GRIA4: variants seen among roughly 807,000 people sequenced by gnomAD.
GRIA4 encodes the protein glutamate ionotropic receptor AMPA type subunit 4.
In GRIA4, 34 loss-of-function variants were observed where a neutral mutation model predicts 104.0. The observed-to-expected ratio is 0.33, with a 90% CI of 0.25 to 0.44. GRIA4 has a LOEUF of 0.44. GRIA4 is among the 20% of genes least tolerant of loss of function. The pLI, the probability that GRIA4 is intolerant of heterozygous loss-of-function variation, is 1.00. For synonymous variants in GRIA4, 386 were observed against 381.9 expected (o/e 1.01, Z -0.13); for missense variants, 750 against 1,096.5 (o/e 0.68, Z 4.46).
At chr11:105,976,857 G>C (rs1184916112) in intron 16 of GRIA4, among the ~76,000 whole-genome samples, 1 of 151,922 alleles carries the variant, frequency 6.6e-6, no homozygotes, top group Non-Finnish European at 1.5e-5. Context: ...AATAGAAATG[G>C]CATTTTATGG....
At chr11:105,821,804 TA>T (rs1164580657) in intron 4 of GRIA4, among the ~76,000 whole-genome samples, 3 of 152,110 alleles carry the variant, frequency 2.0e-5, no homozygotes, top group South Asian at 2.1e-4. Context: ...AAATTTATGC[TA>T]AAAAAATTCT....
chr11:105,733,655 G>C (rs1418402961), intron 3 of GRIA4, among the ~76,000 whole-genome samples: 2 of 151,606 alleles, frequency 1.3e-5, no homozygotes, highest in East Asian at 1.9e-4. Flanking sequence ...ACGGGGTTTC[G>C]CTGTGTTGGT....
chr11:105,668,239 A>ACTATAT (rs1555095734), intron 3 of GRIA4, among the ~76,000 whole-genome samples: 52,911 of 136,248 alleles, frequency 0.39, 11,180 homozygotes, highest in Admixed American at 0.52. Context: ...ATATATATAT[A>ACTATAT]TATATATACT....
intron 3 of GRIA4, among the ~76,000 whole-genome samples, chr11:105,668,246 T>C (rs1022893248): frequency 3.5e-5 from 5 of 144,166 alleles, no homozygotes; most frequent in African/African-American, 1.3e-4. Flanking sequence ...TATATATATA[T>C]ACTATATTAT....
At chr11:105,668,783 A>T (rs932876707) in intron 3 of GRIA4, among the ~76,000 whole-genome samples, 13 of 148,370 alleles carry the variant, frequency 8.8e-5, no homozygotes, top group African/African-American at 3.0e-4. Flanking sequence ...CACTCTACTG[A>T]TTTCTTTGCT....
At chr11:105,857,885 T>C (rs575518191) in intron 4 of GRIA4, among the ~76,000 whole-genome samples, 2 of 152,260 alleles carry the variant, frequency 1.3e-5, no homozygotes, top group African/African-American at 4.8e-5. Context: ...AAATAACTCT[T>C]GCAAACAAAA....
At chr11:105,749,746 CAT>C (rs1320633728) in intron 3 of GRIA4, among the ~76,000 whole-genome samples, 1 of 152,074 alleles carries the variant, frequency 6.6e-6, no homozygotes, top group African/African-American at 2.4e-5. Context: ...GGAGTAGTAT[CAT>C]GTGTTTATTG....
intron 14 of GRIA4, among the ~76,000 whole-genome samples, chr11:105,966,655 G>A (rs1000876717): frequency 6.6e-6 from 1 of 151,972 alleles, no homozygotes; most frequent in African/African-American, 2.4e-5. Flanking sequence ...AATCAACTCA[G>A]CTTTGTCTTC....
intron 4 of GRIA4, among the ~76,000 whole-genome samples, chr11:105,799,296 G>A (rs920824571): frequency 6.6e-6 from 1 of 152,060 alleles, no homozygotes; most frequent in Admixed American, 6.6e-5. Context: ...ATTGAATAGA[G>A]TAAAAACCTA....
intron 3 of GRIA4, among the ~76,000 whole-genome samples, chr11:105,640,534 A>T (rs1030880548): frequency 5.9e-5 from 9 of 151,860 alleles, no homozygotes; most frequent in African/African-American, 1.9e-4. Context: ...GCATTTTCCC[A>T]TTGGATATTA....
In GRIA4 at chr11:105,852,701, G is replaced by C. The variant is rs573080133; in HGVS notation, c.488-9323G>C. On this transcript the variant is annotated intron_variant, in intron 4 of 16. Coordinates refer to ENST00000282499, the MANE Select transcript of GRIA4 (RefSeq NM_000829.4). The stretch of plus-strand genomic sequence containing the variant: ...GAGTTTACAATTACTTCCTAGAACT[G>C]AGCTAGTCTCAGTAGGATATAAAAA... Among the ~76,000 whole-genome samples, 9 of 152,198 alleles carry C rather than the reference G, an allele frequency of 5.9e-5. No individual in the cohort carries two copies. The East Asian group carries it at 1.7e-3, about 29-fold the overall frequency.
At chr11:105,819,704 C>A (rs1221148139) in intron 4 of GRIA4, among the ~76,000 whole-genome samples, 1 of 151,954 alleles carries the variant, frequency 6.6e-6, no homozygotes, top group East Asian at 1.9e-4. Flanking sequence ...CATTATCACA[C>A]ATTATTATAT....
chr11:105,733,701 C>T (rs1938747112), intron 3 of GRIA4, among the ~76,000 whole-genome samples: 1 of 152,016 alleles, frequency 6.6e-6, no homozygotes, highest in Non-Finnish European at 1.5e-5. Context: ...CATGATCCTC[C>T]CACCTTGGCC....
intron 3 of GRIA4, among the ~76,000 whole-genome samples, chr11:105,751,378 G>T (rs1939987167): frequency 6.6e-6 from 1 of 152,138 alleles, no homozygotes; most frequent in Non-Finnish European, 1.5e-5. Context: ...GTCTGACGCA[G>T]CAACTTGATT....
At chr11:105,826,998 A>G (rs1943794518) in intron 4 of GRIA4, among the ~76,000 whole-genome samples, 1 of 152,020 alleles carries the variant, frequency 6.6e-6, no homozygotes, top group African/African-American at 2.4e-5. Context: ...ATTGATACCT[A>G]TGGATTTTTT....
At chr11:105,724,575 A>T (rs1215965236) in intron 3 of GRIA4, among the ~76,000 whole-genome samples, 1 of 152,010 alleles carries the variant, frequency 6.6e-6, no homozygotes, top group Non-Finnish European at 1.5e-5. Context: ...TATAAGTGGG[A>T]GCTAAATAGT....
chr11:105,951,530 T>A (rs1277246382), intron 14 of GRIA4, among the ~76,000 whole-genome samples: 1 of 152,162 alleles, frequency 6.6e-6, no homozygotes, highest in Non-Finnish European at 1.5e-5. Context: ...GGCAGGGACT[T>A]TACTGAGTAT....
chr11:105,778,684 G>A (rs373126150), intron 4 of GRIA4, among the ~76,000 whole-genome samples: 4 of 152,260 alleles, frequency 2.6e-5, no homozygotes, highest in East Asian at 1.9e-4. Flanking sequence ...CAGCCTGGGC[G>A]ACAGAGCAAG....
chr11:105,790,512 C>A (rs957771922), intron 4 of GRIA4, among the ~76,000 whole-genome samples: 3 of 152,098 alleles, frequency 2.0e-5, no homozygotes, highest in Non-Finnish European at 1.5e-5. Flanking sequence ...AGCTCCCTTG[C>A]CGGTTTTTAA....
Sources: gnomAD v4.1 joint callset for allele counts (sites outside exome capture counted in the v4.1 genomes callset) on GRCh38, gnomAD v4.1.1 for gene constraint, MANE v1.5 for transcripts, NCBI Gene and HGNC (gene_info 2026-07-23, HGNC 2026-07-21) for gene names.